The following GPHN variants were observed in gnomAD, a reference collection of about 807,000 sequenced individuals.
GPHN encodes the protein gephyrin.
In GPHN, 17 loss-of-function variants were observed where a neutral mutation model predicts 95.5. That is an observed-to-expected ratio of 0.18 (90% CI 0.12 to 0.27). The LOEUF (loss-of-function observed/expected upper bound fraction) is 0.27, where lower values mean the gene tolerates loss of function less well. GPHN is among the 10% of genes least tolerant of loss of function. The pLI, the probability that GPHN is intolerant of heterozygous loss-of-function variation, is 1.00. For missense variants in GPHN, 660 were observed against 978.1 expected, an observed-to-expected ratio of 0.67 and a Z score of 4.34; for synonymous variants, 320 against 322.5, an observed-to-expected ratio of 0.99 and a Z score of 0.08.
the GPHN span, chr14:67,395,645 A>G: frequency 6.7e-7 from 1 of 1,500,898 alleles, no homozygotes; most frequent in African/African-American, 1.4e-5. Flanking sequence ...GCCGGGCAGC[A>G]AAAATGACGG....
chr14:67,257,718 G>A, the GPHN span, among the ~76,000 whole-genome samples: 3 of 151,820 alleles, frequency 2.0e-5, no homozygotes, highest in Non-Finnish European at 4.4e-5. Context: ...GAAATATGAA[G>A]GTAAGTTTAA....
At chr14:67,729,763 A>G in the GPHN span, 4 of 505,348 alleles carry the variant, frequency 7.9e-6, no homozygotes, top group Non-Finnish European at 1.6e-5. Context: ...TGCTAGGGGA[A>G]CGTCCTCTCT....
chr14:66,728,251 G>T lies in GPHN; in HGVS notation c.143+47066G>T, dbSNP rs1243221830. Among the ~76,000 whole-genome samples, 5 of 152,202 alleles carry T rather than the reference G, an allele frequency of 3.3e-5. No homozygotes were observed. The South Asian group carries it at 8.3e-4, about 25-fold the overall frequency. ...AGCAGAAGTTTGCTGCAGGGGTGGG[G>T]CTCTCATGGAGAATCTCTGCTAGGG... On this transcript the variant is annotated intron_variant, in intron 2 of 22. Coordinates refer to ENST00000478722, the MANE Select transcript of GPHN (RefSeq NM_020806.5).
the GPHN span, among the ~76,000 whole-genome samples, chr14:67,528,392 T>C: frequency 6.6e-6 from 1 of 152,136 alleles, no homozygotes; most frequent in African/African-American, 2.4e-5. Context: ...CCCTAGTCTC[T>C]CCCCACACAG....
chr14:67,463,365 C>T, the GPHN span, among the ~76,000 whole-genome samples: 2 of 152,130 alleles, frequency 1.3e-5, no homozygotes, highest in African/African-American at 4.8e-5. Flanking sequence ...TGGAGCTGGG[C>T]GCGGTGGCTC....
chr14:67,338,779 G>A, the GPHN span: 4 of 1,597,752 alleles, frequency 2.5e-6, no homozygotes, highest in Admixed American at 3.5e-5. Flanking sequence ...AATACAGGTG[G>A]GGGTGGATTT....
At chr14:67,646,956 C>T in the GPHN span, 2 of 1,611,460 alleles carry the variant, frequency 1.2e-6, no homozygotes, top group Non-Finnish European at 1.7e-6. Context: ...CAGTATTTTT[C>T]CATGAGAGAT....
chr14:67,156,303 C>T (rs1217526171), intron 18 of GPHN, among the ~76,000 whole-genome samples: 1 of 151,826 alleles, frequency 6.6e-6, no homozygotes. Context: ...AATACATATA[C>T]TTAAAATATA....
At chr14:67,479,298 C>T in the GPHN span, among the ~76,000 whole-genome samples, 2 of 150,738 alleles carry the variant, frequency 1.3e-5, no homozygotes, top group African/African-American at 4.9e-5. Flanking sequence ...CCCAGCTACT[C>T]GGGAGGCTGA....
At chr14:66,983,487 C>CA (rs1004579424) in intron 9 of GPHN, among the ~76,000 whole-genome samples, 16 of 152,052 alleles carry the variant, frequency 1.1e-4, no homozygotes, top group African/African-American at 3.9e-4. Context: ...TCAGAAGCTG[C>CA]AAAAAAATCA....
At chr14:67,258,215 G>A in the GPHN span, among the ~76,000 whole-genome samples, 1 of 152,188 alleles carries the variant, frequency 6.6e-6, no homozygotes, top group African/African-American at 2.4e-5. Context: ...CAGTCTAGTT[G>A]AGAAGATAAG....
At chr14:66,583,151 T>C (rs1284567810) in intron 1 of GPHN, among the ~76,000 whole-genome samples, 1 of 152,142 alleles carries the variant, frequency 6.6e-6, no homozygotes, top group Non-Finnish European at 1.5e-5. Context: ...ATGAGCATTT[T>C]TTCATGTGTT....
At chr14:66,847,103 T>C (rs949621156) in intron 4 of GPHN, among the ~76,000 whole-genome samples, 1 of 152,148 alleles carries the variant, frequency 6.6e-6, no homozygotes, top group African/African-American at 2.4e-5. Context: ...TTCACACTGA[T>C]TCCTTTAGGA....
rs1416143238 is a variant in GPHN at position 66,712,704 on chromosome 14, CTT to C, written c.143+31521_143+31522del. Among the ~76,000 whole-genome samples, 3 of 152,108 alleles carry C rather than the reference CTT, an allele frequency of 2.0e-5. No individual in the cohort carries two copies. In the East Asian group the frequency reaches 5.8e-4, roughly 29 times the overall value. On this transcript the variant is annotated intron_variant, in intron 2 of 22. Coordinates refer to ENST00000478722, the MANE Select transcript of GPHN (RefSeq NM_020806.5). Reference sequence around the variant, plus strand: ...TCAAATGGTAGTTCTACTTTTAGTTCTTTAAGGAATCTCCACACTGTTTTCCA... The same window carrying C: ...TCAAATGGTAGTTCTACTTTTAGTTCTAAGGAATCTCCACACTGTTTTCCA...
the GPHN span, among the ~76,000 whole-genome samples, chr14:67,366,426 G>A: frequency 0.16 from 23,583 of 152,070 alleles, 3,461 homozygotes; most frequent in East Asian, 0.42. Context: ...TATGTTTTTA[G>A]TTGCAATCAG....
chr14:67,042,056 G>C (rs1344321776), intron 10 of GPHN, among the ~76,000 whole-genome samples: 2 of 151,236 alleles, frequency 1.3e-5, no homozygotes, highest in Non-Finnish European at 3.0e-5. Flanking sequence ...CCCATTTTTT[G>C]ATGGGTTTTT....
the GPHN span, chr14:67,733,898 C>T: frequency 7.1e-7 from 1 of 1,409,928 alleles, no homozygotes; most frequent in South Asian, 1.2e-5. Flanking sequence ...CCATAATGAA[C>T]AGGGACCAAG....
chr14:67,228,763 GTT>G, the GPHN span, among the ~76,000 whole-genome samples: 2 of 152,120 alleles, frequency 1.3e-5, no homozygotes, highest in Non-Finnish European at 2.9e-5. Flanking sequence ...GTCCAACACT[GTT>G]TTGTTTCTAA....
At chr14:67,626,787 T>C in the GPHN span, among the ~76,000 whole-genome samples, 2,000 of 152,316 alleles carry the variant, frequency 0.013, 49 homozygotes, top group African/African-American at 0.045. Context: ...CAAATATTCA[T>C]AGCATTATTC....
Sources: gnomAD v4.1 joint callset for allele counts (sites outside exome capture counted in the v4.1 genomes callset) on GRCh38, gnomAD v4.1.1 for gene constraint, MANE v1.5 for transcripts, NCBI Gene and HGNC (gene_info 2026-07-23, HGNC 2026-07-21) for gene names.